The following DLGAP2 variants were observed in gnomAD, a reference collection of about 807,000 sequenced individuals.
DLGAP2 encodes disks large-associated protein 2.
DLGAP2 carries 26 observed loss-of-function variants against 100.3 expected under a neutral mutation model. That is an observed-to-expected ratio of 0.26 (90% CI 0.19 to 0.36). The LOEUF is 0.36. DLGAP2 is among the 10% of genes least tolerant of loss of function. The pLI is 1.00. For synonymous variants in DLGAP2, 886 were observed against 630.1 expected, an observed-to-expected ratio of 1.41 and a Z score of -6.08; for missense variants, 1,858 against 1,453.2, an observed-to-expected ratio of 1.28 and a Z score of -4.53.
At chr8:1,325,591 A>T (rs915860699) in intron 3 of DLGAP2, among the ~76,000 whole-genome samples, 6 of 152,196 alleles carry the variant, frequency 3.9e-5, no homozygotes, top group African/African-American at 1.2e-4. Context: ...TGCAAAAGGG[A>T]TCTCCCCTGA....
At chr8:901,603 T>A (rs1463080540) in intron 1 of DLGAP2, among the ~76,000 whole-genome samples, 5 of 151,778 alleles carry the variant, frequency 3.3e-5, no homozygotes, top group Non-Finnish European at 7.4e-5. Flanking sequence ...CGGGTAGGGG[T>A]TCAGAGGAGA....
At chr8:1,424,743 C>G (rs569196358) in intron 3 of DLGAP2, among the ~76,000 whole-genome samples, 1 of 152,090 alleles carries the variant, frequency 6.6e-6, no homozygotes, top group South Asian at 2.1e-4. Context: ...TCCCCTTACA[C>G]GCAGCACCTG....
At chr8:1,270,489 A>G (rs1799558830) in intron 3 of DLGAP2, among the ~76,000 whole-genome samples, 1 of 152,184 alleles carries the variant, frequency 6.6e-6, no homozygotes, top group Non-Finnish European at 1.5e-5. Context: ...TCCAAGATTG[A>G]CTTTCCTCAG....
At chr8:1,383,628 T>G (rs1420259218) in intron 3 of DLGAP2, among the ~76,000 whole-genome samples, 2 of 152,156 alleles carry the variant, frequency 1.3e-5, no homozygotes, top group South Asian at 2.1e-4. Context: ...AGATCCCAAT[T>G]CCATGGTTCC....
chr8:1,047,428 C>T (rs191459506), intron 2 of DLGAP2, among the ~76,000 whole-genome samples: 2 of 152,208 alleles, frequency 1.3e-5, no homozygotes, highest in African/African-American at 4.8e-5. Context: ...TTTTAAAATC[C>T]AAAATGCTCC....
intron 2 of DLGAP2, among the ~76,000 whole-genome samples, chr8:1,051,875 T>G (rs1441402454): frequency 6.6e-6 from 1 of 152,006 alleles, no homozygotes; most frequent in Non-Finnish European, 1.5e-5. Context: ...TGCTACGGGT[T>G]TTTTCCTTTC....
At chr8:1,490,321 G>C (rs1799343963) in intron 3 of DLGAP2, among the ~76,000 whole-genome samples, 1 of 152,224 alleles carries the variant, frequency 6.6e-6, no homozygotes, top group Non-Finnish European at 1.5e-5. Context: ...TTACGTGCGG[G>C]GTTGAAAAGG....
intron 6 of DLGAP2, among the ~76,000 whole-genome samples, chr8:1,599,566 A>T (rs911030247): frequency 1.3e-5 from 2 of 151,950 alleles, no homozygotes; most frequent in Non-Finnish European, 2.9e-5. Flanking sequence ...TCCTGTATTG[A>T]GTGCATATAT....
chr8:767,565 C>T (rs1821247634), intron 1 of DLGAP2, among the ~76,000 whole-genome samples: 1 of 151,996 alleles, frequency 6.6e-6, no homozygotes, highest in Non-Finnish European at 1.5e-5. Context: ...CCATGTTGGC[C>T]AGGCTGGTCT....
At chr8:1,193,469 T>G (rs528122749) in intron 2 of DLGAP2, among the ~76,000 whole-genome samples, 2 of 152,232 alleles carry the variant, frequency 1.3e-5, no homozygotes, top group Non-Finnish European at 2.9e-5. Flanking sequence ...CATAAATGTC[T>G]TCTTTTGAGA....
intron 1 of DLGAP2, among the ~76,000 whole-genome samples, chr8:792,661 A>C (rs967389064): frequency 2.0e-5 from 3 of 152,228 alleles, no homozygotes; most frequent in Non-Finnish European, 4.4e-5. Context: ...AAATGGATTG[A>C]TCTTAGTTAG....
intron 3 of DLGAP2, among the ~76,000 whole-genome samples, chr8:1,317,008 G>A (rs1383292241): frequency 1.1e-5 from 1 of 90,962 alleles, no homozygotes; most frequent in Non-Finnish European, 2.2e-5. Context: ...GTCTACACTC[G>A]AGAAACTCGG....
intron 12 of DLGAP2, among the ~76,000 whole-genome samples, chr8:1,681,478 A>ATAAT (rs1644174057): frequency 6.6e-6 from 1 of 151,262 alleles, no homozygotes; most frequent in African/African-American, 2.5e-5. Flanking sequence ...ACCAAAAAAA[A>ATAAT]TAATAATAAT....
intron 3 of DLGAP2, among the ~76,000 whole-genome samples, chr8:1,289,505 C>T (rs73170421): frequency 0.028 from 4,324 of 152,228 alleles, 111 homozygotes; most frequent in Non-Finnish European, 0.043. Context: ...GACTCACGTG[C>T]GGGGATAGAG....
At chr8:1,097,284 C>G (rs796314902) in intron 2 of DLGAP2, among the ~76,000 whole-genome samples, 892 of 102,198 alleles carry the variant, frequency 8.7e-3, no homozygotes, top group African/African-American at 0.032. Flanking sequence ...TCAGGAGAGT[C>G]CAGCTGGGAG....
rs571572360 is a variant in DLGAP2, at chr8:1,561,404, G to T, written c.1231-4279G>T. Reference sequence around the variant, plus strand: ...GGTCATAAAGGCTTTAGAAGAACCCGGCTGGAGAGCACCACAGACACCGCC... The same window carrying T: ...GGTCATAAAGGCTTTAGAAGAACCCTGCTGGAGAGCACCACAGACACCGCC... On this transcript the variant is annotated intron_variant, in intron 5 of 14. Coordinates refer to ENST00000637795, the MANE Select transcript of DLGAP2 (RefSeq NM_001346810.2). 3.4e-4 allele frequency among the ~76,000 whole-genome samples: 52 copies of T among 152,256 alleles called. 1 individual carries two copies. The South Asian group carries it at 4.2e-3, about 12-fold the overall frequency.
intron 2 of DLGAP2, among the ~76,000 whole-genome samples, chr8:946,616 G>C (rs1013185013): frequency 6.6e-6 from 1 of 152,132 alleles, no homozygotes; most frequent in Admixed American, 6.5e-5. Context: ...GACTAGATAG[G>C]GGTTCTTTCT....
chr8:1,372,364 C>A (rs148030289), intron 3 of DLGAP2, among the ~76,000 whole-genome samples: 1 of 152,090 alleles, frequency 6.6e-6, no homozygotes. Context: ...CAACACTTAC[C>A]GAGGGCCGAC....
At chr8:765,680 A>T (rs546761424) in intron 1 of DLGAP2, among the ~76,000 whole-genome samples, 1 of 152,176 alleles carries the variant, frequency 6.6e-6, no homozygotes, top group Non-Finnish European at 1.5e-5. Context: ...CTAAGACTCT[A>T]TGGAGTTTCC....
Sources: allele counts gnomAD v4.1 joint callset (sites outside exome capture counted in the v4.1 genomes callset), GRCh38; gene constraint gnomAD v4.1.1; transcripts MANE v1.5; gene names NCBI Gene and HGNC (gene_info 2026-07-23, HGNC 2026-07-21).